The following SGCD variants were observed in gnomAD, a reference collection of about 807,000 sequenced individuals.
SGCD encodes the protein sarcoglycan delta.
In SGCD, 18 loss-of-function variants were observed where a neutral mutation model predicts 36.6. The ratio of observed to expected loss-of-function variants is 0.49; its 90% CI spans 0.34 to 0.73. The LOEUF is 0.73. Among genes scored for constraint, SGCD ranks in the 30% least tolerant of loss-of-function variants. SGCD has a pLI of 0.01. For missense variants in SGCD, 387 were observed against 346.7 expected (o/e 1.12, Z -0.92); for synonymous variants, 133 against 130.6 (o/e 1.02, Z -0.12).
intron 3 of SGCD, among the ~76,000 whole-genome samples, chr5:156,133,834 G>T (rs1394650748): frequency 6.6e-6 from 1 of 150,804 alleles, no homozygotes; most frequent in Non-Finnish European, 1.5e-5. Flanking sequence ...TTTTACCCAA[G>T]GTCTTTGAAA....
chr5:155,987,027 G>T (rs967745866), intron 1 of SGCD, among the ~76,000 whole-genome samples: 1 of 152,132 alleles, frequency 6.6e-6, no homozygotes, highest in African/African-American at 2.4e-5. Context: ...GCATATAATG[G>T]TTTATTAAGA....
chr5:156,023,005 G>C (rs17536506), intron 1 of SGCD, among the ~76,000 whole-genome samples: 1,926 of 152,322 alleles, frequency 0.013, 15 homozygotes, highest in Non-Finnish European at 0.022. Context: ...GCACAGTGGG[G>C]AGAGCACAAA....
intron 7 of SGCD, among the ~76,000 whole-genome samples, chr5:156,733,224 A>G (rs1756171100): frequency 6.6e-6 from 1 of 152,044 alleles, no homozygotes; most frequent in African/African-American, 2.4e-5. Flanking sequence ...ACACTTCCTT[A>G]GCTGTGTCCC....
At chr5:156,494,853 C>T (rs1756110837) in intron 3 of SGCD, among the ~76,000 whole-genome samples, 4 of 152,078 alleles carry the variant, frequency 2.6e-5, no homozygotes, top group Admixed American at 2.0e-4. Context: ...ACTCATTCTC[C>T]CTGTACTCAG....
intron 3 of SGCD, among the ~76,000 whole-genome samples, chr5:156,135,567 G>A (rs927286270): frequency 6.6e-6 from 1 of 152,092 alleles, no homozygotes; most frequent in African/African-American, 2.4e-5. Context: ...AAGATTTTCT[G>A]TCCAGCTTCC....
intron 3 of SGCD, among the ~76,000 whole-genome samples, chr5:156,146,088 C>T (rs1762705507): frequency 6.6e-6 from 1 of 152,090 alleles, no homozygotes; most frequent in African/African-American, 2.4e-5. Context: ...TTGTGGGCGC[C>T]TGTAGTCCCA....
intron 3 of SGCD, among the ~76,000 whole-genome samples, chr5:156,239,551 A>G (rs982027622): frequency 6.6e-6 from 1 of 152,202 alleles, no homozygotes; most frequent in African/African-American, 2.4e-5. Flanking sequence ...AGGTTTGAGA[A>G]GATAAATATG....
intron 4 of SGCD, among the ~76,000 whole-genome samples, chr5:156,517,936 G>A (rs1030342035): frequency 6.6e-6 from 1 of 152,044 alleles, no homozygotes; most frequent in Non-Finnish European, 1.5e-5. Flanking sequence ...ACACCAACAA[G>A]TCTGCAAAAT....
At chr5:156,363,641 G>A (rs1227379749) in intron 3 of SGCD, among the ~76,000 whole-genome samples, 2 of 152,104 alleles carry the variant, frequency 1.3e-5, no homozygotes, top group Non-Finnish European at 2.9e-5. Flanking sequence ...AGATTCTCTT[G>A]CTGTATAAGC....
chr5:155,774,581 T>C, the SGCD span, among the ~76,000 whole-genome samples: 3 of 152,146 alleles, frequency 2.0e-5, no homozygotes, highest in Non-Finnish European at 4.4e-5. Flanking sequence ...TTTTTCAGTG[T>C]TGAGTGGCTG....
intron 1 of SGCD, among the ~76,000 whole-genome samples, chr5:155,980,202 T>A (rs1758197333): frequency 1.3e-5 from 2 of 152,116 alleles, no homozygotes. Context: ...AAAGCACTTG[T>A]TTATGGTATT....
At chr5:156,262,940 T>C (rs547341788) in intron 3 of SGCD, among the ~76,000 whole-genome samples, 176 of 151,918 alleles carry the variant, frequency 1.2e-3, no homozygotes, top group Non-Finnish European at 1.4e-3. Context: ...TATATATATA[T>C]ACACACACAT....
the SGCD span, among the ~76,000 whole-genome samples, chr5:155,825,741 TG>T: frequency 0.11 from 12,123 of 115,360 alleles, 603 homozygotes; most frequent in South Asian, 0.21. Context: ...TTTTTTTTTT[TG>T]TTGTTGTTGT....
At chr5:155,784,049 T>C in the SGCD span, among the ~76,000 whole-genome samples, 1 of 152,170 alleles carries the variant, frequency 6.6e-6, no homozygotes, top group African/African-American at 2.4e-5. Flanking sequence ...CAAACAGGCA[T>C]TGGTCCCTGC....
At chr5:156,125,839 TTTATTATTA>T (rs144493356) in intron 3 of SGCD, among the ~76,000 whole-genome samples, 5,326 of 131,446 alleles carry the variant, frequency 0.041, 145 homozygotes, top group African/African-American at 0.055. Flanking sequence ...CACTCATTCT[TTTATTATTA>T]TTATTATTAT....
chr5:155,841,331 C>G, the SGCD span, among the ~76,000 whole-genome samples: 2 of 152,184 alleles, frequency 1.3e-5, no homozygotes, highest in Non-Finnish European at 2.9e-5. Flanking sequence ...CTCACTTCAA[C>G]AGTGGGAATG....
chr5:156,336,181 G>A (rs982289313), intron 2 of SGCD, among the ~76,000 whole-genome samples: 3 of 152,124 alleles, frequency 2.0e-5, no homozygotes, highest in Non-Finnish European at 4.4e-5. Context: ...CCTGCCAAGC[G>A]AGCTCCTGCC....
intron 4 of SGCD, among the ~76,000 whole-genome samples, chr5:156,518,470 G>C (rs765833485): frequency 6.6e-6 from 1 of 152,114 alleles, no homozygotes; most frequent in Non-Finnish European, 1.5e-5. Flanking sequence ...CTTGAACTCA[G>C]CTCTGGATCA....
intron 3 of SGCD, among the ~76,000 whole-genome samples, chr5:156,275,405 AT>A (rs758095237): frequency 1.3e-5 from 2 of 152,204 alleles, no homozygotes; most frequent in Non-Finnish European, 2.9e-5. Context: ...TAAAATATGT[AT>A]GTAACTTAAA....
Sources: gnomAD v4.1 joint callset for allele counts (sites outside exome capture counted in the v4.1 genomes callset) on GRCh38, gnomAD v4.1.1 for gene constraint, MANE v1.5 for transcripts, NCBI Gene and HGNC (gene_info 2026-07-23, HGNC 2026-07-21) for gene names.